Variants in CCDC102B observed in about 807,000 individuals in gnomAD.
CCDC102B encodes the protein coiled-coil domain-containing protein 102B.
CCDC102B carries 75 observed loss-of-function variants against 57.4 expected under a neutral mutation model. The observed-to-expected ratio is 1.31, with a 90% CI of 1.08 to 1.58. The LOEUF is 1.58. Among genes scored for constraint, CCDC102B ranks in the 40% most tolerant of loss-of-function variants. The pLI is 0.00. For missense variants in CCDC102B, 636 were observed against 582.6 expected (o/e 1.09, Z -0.94); for synonymous variants, 206 against 201.9 (o/e 1.02, Z -0.17).
At chr18:68,916,989 A>G (rs2041095594) in intron 6 of CCDC102B, among the ~76,000 whole-genome samples, 2 of 152,146 alleles carry the variant, frequency 1.3e-5, no homozygotes, top group Non-Finnish European at 2.9e-5. Flanking sequence ...CCCCAGCAGG[A>G]AATCAGTAGG....
chr18:68,903,184 G>A (rs369064397), intron 6 of CCDC102B, among the ~76,000 whole-genome samples: 6 of 152,128 alleles, frequency 3.9e-5, no homozygotes, highest in South Asian at 4.1e-4. Flanking sequence ...ACACAGAAAA[G>A]CGTAATTCTG....
chr18:69,037,028 T>TATAC (rs1445727004), intron 7 of CCDC102B, among the ~76,000 whole-genome samples: 2 of 150,050 alleles, frequency 1.3e-5, no homozygotes, highest in African/African-American at 4.9e-5. Flanking sequence ...GGTGTATATA[T>TATAC]ACACACACAC....
chr18:68,886,697 T>A (rs1397467275), intron 5 of CCDC102B, among the ~76,000 whole-genome samples: 1 of 152,162 alleles, frequency 6.6e-6, no homozygotes, highest in East Asian at 1.9e-4. Context: ...GTAACCATTT[T>A]GATTGTCAAA....
At chr18:68,720,026 T>C (rs1196067741) in intron 2 of CCDC102B, among the ~76,000 whole-genome samples, 1 of 152,146 alleles carries the variant, frequency 6.6e-6, no homozygotes, top group Non-Finnish European at 1.5e-5. Flanking sequence ...TGGTTTAACT[T>C]GGGAAAAAAG....
intron 4 of CCDC102B, among the ~76,000 whole-genome samples, chr18:68,867,791 AGGAG>A (rs2039063644): frequency 6.6e-6 from 1 of 151,292 alleles, no homozygotes; most frequent in Non-Finnish European, 1.5e-5. Flanking sequence ...AAAATTAGTC[AGGAG>A]TGGTGGCGGG....
chr18:68,965,629 A>T lies in CCDC102B; in HGVS notation c.1264-45305A>T, dbSNP rs182635279. On this transcript the variant is annotated intron_variant, in intron 6 of 7. Transcript: ENST00000360242. ...GTATAAAAAATTATATATATATATA[A>T]AAAACCAGTCACTATTTATAAAATT... 3.4e-3 allele frequency among the ~76,000 whole-genome samples: 514 copies of T among 151,406 alleles called. 1 individual carries two copies. Among genetic ancestry groups the T allele is most frequent in the African/African-American group, 0.011 (474 of 41,444 alleles).
intron 7 of CCDC102B, among the ~76,000 whole-genome samples, chr18:69,045,177 A>C (rs983631159): frequency 7.9e-5 from 12 of 152,124 alleles, no homozygotes; most frequent in African/African-American, 2.9e-4. Context: ...TTTTGAATTC[A>C]CATATTGAAT....
At chr18:68,793,209 A>C (rs2035520058), upstream of CCDC102B, among the ~76,000 whole-genome samples, 2 of 152,174 alleles carry the variant, frequency 1.3e-5, no homozygotes, top group Non-Finnish European at 2.9e-5. Context: ...CCTTACAAAA[A>C]ATTTTCAGTT....
chr18:68,980,631 T>G (rs2050554720), intron 6 of CCDC102B, among the ~76,000 whole-genome samples: 2 of 151,790 alleles, frequency 1.3e-5, no homozygotes, highest in South Asian at 4.2e-4. Flanking sequence ...ATCAAGGAGG[T>G]GATAACCTGA....
intron 6 of CCDC102B, among the ~76,000 whole-genome samples, chr18:68,995,572 G>A (rs1404886278): frequency 6.6e-6 from 1 of 152,068 alleles, no homozygotes; most frequent in Non-Finnish European, 1.5e-5. Context: ...GCTTCCACAT[G>A]GTGTTCGGCC....
At chr18:68,864,386 C>T (rs1338849915) in intron 4 of CCDC102B, among the ~76,000 whole-genome samples, 2 of 152,098 alleles carry the variant, frequency 1.3e-5, no homozygotes, top group African/African-American at 2.4e-5. Flanking sequence ...ACAGTCAGCT[C>T]ATTTAAAATA....
At chr18:68,879,323 AT>A (rs956651996) in intron 5 of CCDC102B, among the ~76,000 whole-genome samples, 7 of 152,106 alleles carry the variant, frequency 4.6e-5, no homozygotes, top group Non-Finnish European at 1.0e-4. Context: ...CAGTAGCAAG[AT>A]TTATTGCAAA....
intron 6 of CCDC102B, among the ~76,000 whole-genome samples, chr18:68,918,981 G>A (rs945430340): frequency 6.6e-6 from 1 of 152,002 alleles, no homozygotes; most frequent in African/African-American, 2.4e-5. Flanking sequence ...AGGGAAAGAA[G>A]GGAATATACA....
chr18:68,979,852 G>A (rs1208947919), intron 6 of CCDC102B, among the ~76,000 whole-genome samples: 1 of 151,972 alleles, frequency 6.6e-6, no homozygotes, highest in African/African-American at 2.4e-5. Context: ...GGCCTAAAAA[G>A]TCATTTTCTG....
chr18:68,842,985 C>T (rs1235443782), intron 3 of CCDC102B, among the ~76,000 whole-genome samples: 1 of 152,048 alleles, frequency 6.6e-6, no homozygotes, highest in African/African-American at 2.4e-5. Flanking sequence ...TGGTCTTGGT[C>T]CCTGTCCGCT....
At chr18:68,984,790 T>A (rs189280058) in intron 6 of CCDC102B, among the ~76,000 whole-genome samples, 62 of 152,270 alleles carry the variant, frequency 4.1e-4, no homozygotes, top group African/African-American at 1.5e-3. Context: ...GTCTTATATA[T>A]CATCATATTA....
At chr18:68,970,094 A>C (rs1225038921) in intron 6 of CCDC102B, among the ~76,000 whole-genome samples, 3 of 152,096 alleles carry the variant, frequency 2.0e-5, no homozygotes, top group Non-Finnish European at 4.4e-5. Flanking sequence ...TGTCAGAATA[A>C]GAGAATTTCA....
chr18:69,049,395 A>T (rs1338024181), intron 7 of CCDC102B, among the ~76,000 whole-genome samples: 2 of 152,008 alleles, frequency 1.3e-5, no homozygotes, highest in Non-Finnish European at 2.9e-5. Context: ...CTTAACATGC[A>T]ATTTTAATAA....
chr18:68,844,061 A>T (rs1156485824), intron 3 of CCDC102B, among the ~76,000 whole-genome samples: 5 of 152,016 alleles, frequency 3.3e-5, no homozygotes, highest in Admixed American at 3.3e-4. Context: ...AACCTTTTAC[A>T]TAATAAAAAT....
Sources: gnomAD v4.1 joint callset for allele counts (sites outside exome capture counted in the v4.1 genomes callset) on GRCh38, gnomAD v4.1.1 for gene constraint, MANE v1.5 for transcripts, NCBI Gene and HGNC (gene_info 2026-07-23, HGNC 2026-07-21) for gene names.